PTPRB: variants seen among roughly 807,000 people sequenced by gnomAD.
PTPRB encodes the protein receptor-type tyrosine-protein phosphatase beta.
A neutral mutation model predicts 238.1 loss-of-function variants in PTPRB; 97 were observed. The observed-to-expected ratio is 0.41, with a 90% CI of 0.35 to 0.48. PTPRB has a LOEUF of 0.48. PTPRB is among the 20% of genes least tolerant of loss of function. The pLI is 0.30. For synonymous variants in PTPRB, 970 were observed against 995.4 expected (o/e 0.97, Z 0.48); for missense variants, 2,292 against 2,681.9 (o/e 0.85, Z 3.21).
At chr12:70,590,940 G>GTTTT (rs35496972) in intron 7 of PTPRB, among the ~76,000 whole-genome samples, 8,383 of 102,678 alleles carry the variant, frequency 0.082, 585 homozygotes, top group Non-Finnish European at 0.1. Flanking sequence ...TTTCCTCCAA[G>GTTTT]TTTTTTTTTT....
At chr12:70,631,278 A>G (rs1440107051) in intron 2 of PTPRB, among the ~76,000 whole-genome samples, 1 of 152,190 alleles carries the variant, frequency 6.6e-6, no homozygotes, top group Non-Finnish European at 1.5e-5. Flanking sequence ...AATACCGCAC[A>G]TCTACAACCA....
At chr12:70,555,384 A>G (rs764243352) in intron 19 of PTPRB, 75 bp from the exon 20 acceptor site, 1 of 1,379,608 alleles carries the variant, frequency 7.2e-7, no homozygotes, top group Non-Finnish European at 1.0e-6. Context: ...AGTTAGTGAA[A>G]TGAAGGATTC....
chr12:70,582,209 G>A (rs1036097566), intron 9 of PTPRB, among the ~76,000 whole-genome samples: 1 of 151,994 alleles, frequency 6.6e-6, no homozygotes, highest in Non-Finnish European at 1.5e-5. Flanking sequence ...CAAAGGGACT[G>A]GAACCTTGGC....
intron 33 of PTPRB, chr12:70,522,382 C>CT (rs1279741492): frequency 2.0e-5 from 3 of 152,202 alleles, no homozygotes; most frequent in Non-Finnish European, 2.9e-5. Context: ...CAGCCCCAGT[C>CT]TAAGTCTTGA....
At chr12:70,557,361 G>A (rs1331593199) in intron 18 of PTPRB, among the ~76,000 whole-genome samples, 5 of 152,124 alleles carry the variant, frequency 3.3e-5, no homozygotes, top group African/African-American at 1.2e-4. Context: ...AGCCTCACCC[G>A]ATCCTAATAA....
chr12:70,608,910 T>C, intron 4 of PTPRB, 159 bp downstream of exon 4: 3 of 1,065,726 alleles, frequency 2.8e-6, no homozygotes, highest in Non-Finnish European at 4.0e-6. Flanking sequence ...TGCTTCTGGC[T>C]AGATCCGAGG....
chr12:70,585,663 A>T (rs919010745), intron 9 of PTPRB, among the ~76,000 whole-genome samples: 1 of 152,054 alleles, frequency 6.6e-6, no homozygotes, highest in African/African-American at 2.4e-5. Context: ...TAATTTTATT[A>T]CACTTTAAGT....
chr12:70,550,368 C>G (rs546752646), intron 21 of PTPRB, among the ~76,000 whole-genome samples: 1 of 152,118 alleles, frequency 6.6e-6, no homozygotes, highest in African/African-American at 2.4e-5. Flanking sequence ...GGAGCAAATA[C>G]GATTGGAGAC....
At chr12:70,612,745 G>A (rs1884514375) in intron 3 of PTPRB, among the ~76,000 whole-genome samples, 1 of 152,108 alleles carries the variant, frequency 6.6e-6, no homozygotes, top group Non-Finnish European at 1.5e-5. Flanking sequence ...ATAGCACTTT[G>A]GGAGGCTGAG....
At chr12:70,534,704 A>G in intron 30 of PTPRB, 53 bp from the exon 31 acceptor site, 19 of 1,602,960 alleles carry the variant, frequency 1.2e-5, no homozygotes, top group Non-Finnish European at 1.5e-5. Flanking sequence ...CAAACCTTCA[A>G]ACTTGACAGC....
In PTPRB at chr12:70,577,720, G is replaced by T. The variant is rs891803080; in HGVS notation, c.2579-1075C>A. On this transcript the variant is annotated intron_variant, in intron 10 of 33. Transcript: ENST00000334414. ...AATATGTTCGGACTTTGTGAATTAAGCCCCAAAGCATACCTTATACTTAAA... is the reference window on the plus strand; with the variant it reads ...AATATGTTCGGACTTTGTGAATTAATCCCCAAAGCATACCTTATACTTAAA... Among the ~76,000 whole-genome samples the T allele has an allele frequency of 2.0e-5, 3 of 152,056 alleles. 1 individual carries two copies. The highest frequency in any genetic ancestry group is 1.3e-4 in the Admixed American group (2 of 15,268).
intron 31 of PTPRB, 66 bp downstream of exon 31, chr12:70,534,422 T>A: frequency 6.5e-7 from 1 of 1,536,264 alleles, no homozygotes; most frequent in Non-Finnish European, 8.8e-7. Context: ...CTTATGTATT[T>A]TTCCAGACTC....
chr12:70,577,393 C>T (rs1224086641), intron 10 of PTPRB, among the ~76,000 whole-genome samples: 3 of 152,020 alleles, frequency 2.0e-5, no homozygotes, highest in Non-Finnish European at 4.4e-5. Context: ...CTACTATTTG[C>T]CAGGTATACA....
rs1481529005 is a variant in PTPRB, at chr12:70,521,374, A to T, written c.*115T>A. Reference sequence around the variant, plus strand: ...AATTTTAAACATTCTCCAGATTAATAAATTATACATAGTATCAACAGAAAT... The same window carrying T: ...AATTTTAAACATTCTCCAGATTAATTAATTATACATAGTATCAACAGAAAT... On this transcript the variant is annotated 3_prime_UTR_variant, in exon 34 of 34. Transcript: ENST00000334414. 2 of 632,486 alleles carry T rather than the reference A, an allele frequency of 3.2e-6. No individual in the cohort carries two copies. Among genetic ancestry groups the T allele is most frequent in the Non-Finnish European group, 5.0e-6 (2 of 401,460 alleles). The allele number at this position is 632,486 out of a possible 1,614,324, so 39.2% of individuals were successfully genotyped here.
chr12:70,524,689 T>C (rs1872080753), intron 32 of PTPRB, 98 bp from the exon 33 acceptor site: 1 of 1,291,978 alleles, frequency 7.7e-7, no homozygotes, highest in African/African-American at 1.5e-5. Flanking sequence ...ATTATATAGT[T>C]AGCAAATTTC....
At chr12:70,578,783 C>G (rs767501391) in intron 10 of PTPRB, among the ~76,000 whole-genome samples, 3 of 152,180 alleles carry the variant, frequency 2.0e-5, no homozygotes, top group African/African-American at 2.4e-5. Flanking sequence ...GAGAATCAAC[C>G]TGTGTGGCAG....
chr12:70,581,672 C>A (rs1234991116), intron 9 of PTPRB, among the ~76,000 whole-genome samples: 2 of 152,062 alleles, frequency 1.3e-5, no homozygotes, highest in Admixed American at 6.5e-5. Flanking sequence ...ATCTAATCTA[C>A]CTGAGCCAAT....
chr12:70,600,182 C>T (rs1374742838), intron 4 of PTPRB, among the ~76,000 whole-genome samples: 1 of 152,056 alleles, frequency 6.6e-6, no homozygotes, highest in Admixed American at 6.6e-5. Flanking sequence ...AAAAGGGCAG[C>T]CAATCCATGA....
chr12:70,521,240 T>C lies in PTPRB; in HGVS notation c.*249A>G, dbSNP rs980587661. 1.7e-5 allele frequency: 6 copies of C among 354,774 alleles called. No individual in the cohort carries two copies. Among genetic ancestry groups the C allele is most frequent in the Admixed American group, 9.0e-5 (2 of 22,342 alleles). 22.0% of individuals were successfully genotyped at this position (354,774 alleles called of 1,614,324 possible). Reference sequence around the variant, plus strand: ...TCATGAACACTTTAGTGTGGAAAAATAGTATTATATAAAGCTTAATATTAA... The same window carrying C: ...TCATGAACACTTTAGTGTGGAAAAACAGTATTATATAAAGCTTAATATTAA... On this transcript the variant is annotated 3_prime_UTR_variant, in exon 34 of 34. Transcript: ENST00000334414.
Sources: allele counts gnomAD v4.1 joint callset (sites outside exome capture counted in the v4.1 genomes callset), GRCh38; gene constraint gnomAD v4.1.1; transcripts MANE v1.5; gene names NCBI Gene and HGNC (gene_info 2026-07-23, HGNC 2026-07-21).